Variants in ATP2B3 observed in about 807,000 individuals in gnomAD.
ATP2B3 encodes the protein plasma membrane calcium-transporting ATPase 3.
Under a neutral mutation model 70.8 loss-of-function variants are expected in ATP2B3, and 12 were observed. The ratio of observed to expected loss-of-function variants is 0.17; its 90% CI spans 0.11 to 0.27. The LOEUF (loss-of-function observed/expected upper bound fraction) is 0.27, where lower values mean the gene tolerates loss of function less well. ATP2B3 is among the 10% of genes least tolerant of loss of function. The pLI is 1.00. For missense variants in ATP2B3, 858 were observed against 1,118.5 expected, an observed-to-expected ratio of 0.77 and a Z score of 3.32; for synonymous variants, 460 against 497.8, an observed-to-expected ratio of 0.92 and a Z score of 1.01.
At chrX:153,554,688 C>T (rs911711652) in intron 13 of ATP2B3, among the ~76,000 whole-genome samples, 2 of 112,795 alleles carry the variant, frequency 1.8e-5, no homozygotes, top group South Asian at 3.6e-4. Flanking sequence ...GAGGAGGGCC[C>T]GTGAGGCTGG....
intron 19 of ATP2B3, among the ~76,000 whole-genome samples, chrX:153,561,098 G>C (rs1457034176): frequency 5.3e-5 from 6 of 112,175 alleles, no homozygotes; most frequent in African/African-American, 1.9e-4. Flanking sequence ...CTTGCCCTGG[G>C]TGAGCGCGCT....
At chrX:153,553,336 G>A (rs1470612946) in intron 13 of ATP2B3, 67 bp downstream of exon 13, 19 of 1,009,127 alleles carry the variant, frequency 1.9e-5, no homozygotes, top group Non-Finnish European at 2.6e-5. Context: ...GTCCGGACTG[G>A]TAGGGGCGGC....
intron 21 of ATP2B3, chrX:153,569,531 G>A (rs1045741767): frequency 2.5e-5 from 29 of 1,142,288 alleles, no homozygotes; most frequent in Non-Finnish European, 5.9e-6. Flanking sequence ...CCCTATCCTC[G>A]CCCAGCCCTC....
intron 10 of ATP2B3, among the ~76,000 whole-genome samples, chrX:153,549,066 A>C (rs1338727017): frequency 9.2e-6 from 1 of 108,902 alleles, no homozygotes; most frequent in Non-Finnish European, 1.9e-5. Flanking sequence ...GCAGGCGGTG[A>C]GATACCCAGG....
rs993454898 is a variant in ATP2B3, at chrX:153,558,108, C to T, written c.2434-4C>T. The stretch of plus-strand genomic sequence containing the variant: ...CTGTGTGAGTGTGTGTGTCACCCCC[C>T]CAGGGCATCGCAGGGACCGACGTGG... On this transcript the variant is annotated splice_region_variant and splice_polypyrimidine_tract_variant and intron_variant, in intron 16 of 21. Transcript: ENST00000263519. 1.7e-6 allele frequency: 2 copies of T among 1,203,564 alleles called. No homozygotes were observed. Among genetic ancestry groups the T allele is most frequent in the Non-Finnish European group, 2.2e-6 (2 of 891,847 alleles).
Position 153,582,548 on chromosome X carries a change from T to C in ATP2B3, c.*2250T>C, listed in dbSNP as rs1405547415. 2 of 112,875 alleles carry C rather than the reference T, an allele frequency of 1.8e-5. No individual in the cohort carries two copies. Among genetic ancestry groups the C allele is most frequent in the Non-Finnish European group, 3.7e-5 (2 of 53,342 alleles). The allele number at this position is 112,875 out of a possible 1,213,427, so 9.3% of individuals were successfully genotyped here. On this transcript the variant is annotated 3_prime_UTR_variant, in exon 22 of 22. Coordinates refer to ENST00000263519, the MANE Select transcript of ATP2B3 (RefSeq NM_001001344.3). ...GATATTAAAAGCAAACCCTCACTGCTGCTGTATAAAGTTGCCTAATGTAAA... is the reference window on the plus strand; with the variant it reads ...GATATTAAAAGCAAACCCTCACTGCCGCTGTATAAAGTTGCCTAATGTAAA...
intron 20 of ATP2B3, 147 bp downstream of exon 20, chrX:153,562,389 A>G: frequency 2.1e-6 from 1 of 481,457 alleles, no homozygotes; most frequent in Non-Finnish European, 3.4e-6. Flanking sequence ...ACCAGGACCC[A>G]GGGACAGGAC....
At chrX:153,572,202 C>T (rs1256079856) in intron 21 of ATP2B3, among the ~76,000 whole-genome samples, 3 of 112,911 alleles carry the variant, frequency 2.7e-5, no homozygotes, top group African/African-American at 9.6e-5. Context: ...GAGAGATGCT[C>T]TGAAGGCTGT....
At chrX:153,577,745 T>C (rs992492043) in intron 21 of ATP2B3, among the ~76,000 whole-genome samples, 12 of 112,081 alleles carry the variant, frequency 1.1e-4, no homozygotes, top group African/African-American at 3.9e-4. Flanking sequence ...GATGGGGTGC[T>C]AGAAAATTCC....
intron 21 of ATP2B3, among the ~76,000 whole-genome samples, chrX:153,565,507 G>A (rs1301154269): frequency 8.9e-6 from 1 of 112,655 alleles, no homozygotes; most frequent in Non-Finnish European, 1.9e-5. Context: ...AGCCACCAGC[G>A]AGCTCAAGGT....
At chrX:153,561,922 C>T (rs999573547) in intron 19 of ATP2B3, among the ~76,000 whole-genome samples, 1 of 112,510 alleles carries the variant, frequency 8.9e-6, no homozygotes, top group African/African-American at 3.2e-5. Context: ...GGCCCCACTC[C>T]GAGGCTGGAG....
At position 153,557,886 on chromosome X, in the gene ATP2B3, C is replaced by G. The variant is rs782708854; in HGVS notation, c.2434-226C>G. Among the ~76,000 whole-genome samples the G allele has an allele frequency of 2.8e-5, 3 of 107,756 alleles. No homozygotes were observed. In the East Asian group the frequency reaches 8.9e-4, roughly 32 times the overall value. 93.6% of individuals were successfully genotyped at this position (107,756 alleles called of 115,157 possible). ...CCCTCTGTGTTTATGAGCAAAGCCC[C>G]CCCCCCCACCGTGACATGTGACAAC... is the stretch of plus-strand genomic sequence containing the variant. On this transcript the variant is annotated intron_variant, in intron 16 of 21. Transcript: ENST00000263519.
chrX:153,543,108 G>A lies in ATP2B3; in HGVS notation c.856G>A (p.Gly286Ser), dbSNP rs1557007382. 1 of 1,212,392 alleles carries A rather than the reference G, an allele frequency of 8.2e-7. No individual in the cohort carries two copies. The highest frequency in any genetic ancestry group is 1.1e-6 in the Non-Finnish European group (1 of 895,588). The change falls in exon 7 of 22, where the codon GGC becomes AGC. Residue 286 changes from glycine (G) to serine (S), a missense_variant. By Grantham distance (56) the Gly-to-Ser change is moderately conservative (BLOSUM62 0). Transcript: ENST00000263519. ...VTAVGVNSQT[G>S]IIFTLLGAGG... The stretch of plus-strand genomic sequence containing the variant: ...CGCCGTTGGCGTGAATTCCCAGACA[G>A]GCATCATCTTCACGCTGCTTGGAGC...
intron 2 of ATP2B3, among the ~76,000 whole-genome samples, chrX:153,519,654 T>C (rs1168620291): frequency 1.8e-5 from 2 of 112,678 alleles, no homozygotes; most frequent in African/African-American, 6.4e-5. Context: ...TGGGAACTTG[T>C]GGTCCCCGGC....
intron 21 of ATP2B3, chrX:153,569,944 A>G: frequency 8.4e-6 from 4 of 476,142 alleles, no homozygotes; most frequent in South Asian, 7.8e-5. Flanking sequence ...CTTTTATGAA[A>G]CGTATTCAAC....
intron 7 of ATP2B3, among the ~76,000 whole-genome samples, chrX:153,543,814 G>C (rs1479922042): frequency 3.5e-5 from 4 of 113,149 alleles, no homozygotes; most frequent in African/African-American, 1.3e-4. Context: ...GGGCAGCCTT[G>C]CTCTGGCCTG....
At chrX:153,521,748 C>T (rs1002887282) in intron 2 of ATP2B3, among the ~76,000 whole-genome samples, 4 of 111,781 alleles carry the variant, frequency 3.6e-5, no homozygotes, top group African/African-American at 1.3e-4. Context: ...GTCCAAGCAG[C>T]GATTTTATTA....
chrX:153,579,322 T>C (rs2124556722), intron 21 of ATP2B3, among the ~76,000 whole-genome samples: 1 of 112,407 alleles, frequency 8.9e-6, no homozygotes, highest in African/African-American at 3.2e-5. Flanking sequence ...AAGTGGCCAG[T>C]GGAGTTAGCC....
At chrX:153,554,295 G>A (rs983030123) in intron 13 of ATP2B3, among the ~76,000 whole-genome samples, 3 of 113,239 alleles carry the variant, frequency 2.6e-5, no homozygotes, top group Non-Finnish European at 5.6e-5. Context: ...GCCCCACTGA[G>A]CCTGGGAGAG....
Sources: allele counts gnomAD v4.1 joint callset (sites outside exome capture counted in the v4.1 genomes callset), GRCh38; gene constraint gnomAD v4.1.1; transcripts MANE v1.5; gene names NCBI Gene and HGNC (gene_info 2026-07-23, HGNC 2026-07-21).